Variants in CNTN5 observed in about 807,000 individuals in gnomAD.
CNTN5 encodes the protein contactin 5.
A neutral mutation model predicts 129.1 loss-of-function variants in CNTN5; 77 were observed. That is an observed-to-expected ratio of 0.60 (90% CI 0.50 to 0.72). The LOEUF is 0.72. CNTN5 is among the 30% of genes least tolerant of loss of function. The pLI is 0.00. For missense variants in CNTN5, 1,478 were observed against 1,328.8 expected, an observed-to-expected ratio of 1.11 and a Z score of -1.75; for synonymous variants, 509 against 465.6, an observed-to-expected ratio of 1.09 and a Z score of -1.20.
intron 3 of CNTN5, among the ~76,000 whole-genome samples, chr11:99,728,918 T>A (rs1205615883): frequency 6.6e-6 from 1 of 152,196 alleles, no homozygotes; most frequent in Non-Finnish European, 1.5e-5. Context: ...CATCCAGGTA[T>A]GTTGTACACC....
chr11:99,022,645 T>A (rs1862926683), intron 1 of CNTN5, among the ~76,000 whole-genome samples: 1 of 151,822 alleles, frequency 6.6e-6, no homozygotes, highest in Non-Finnish European at 1.5e-5. Flanking sequence ...AAATTAAAGA[T>A]ATTACATAAA....
At chr11:99,901,297 T>TG (rs1303890066) in intron 6 of CNTN5, among the ~76,000 whole-genome samples, 1 of 151,414 alleles carries the variant, frequency 6.6e-6, no homozygotes, top group East Asian at 1.9e-4. Context: ...CATTTTCTAT[T>TG]TTTTTTTTCT....
chr11:99,782,583 C>A (rs1049769544), intron 3 of CNTN5, among the ~76,000 whole-genome samples: 1 of 151,788 alleles, frequency 6.6e-6, no homozygotes, highest in Admixed American at 6.6e-5. Flanking sequence ...AACTATACTG[C>A]AAGGCTACAG....
intron 1 of CNTN5, among the ~76,000 whole-genome samples, chr11:99,144,680 T>C (rs994997116): frequency 1.3e-5 from 2 of 152,200 alleles, no homozygotes; most frequent in Non-Finnish European, 2.9e-5. Flanking sequence ...TCAGAAATTG[T>C]TTCTTCTGAT....
intron 3 of CNTN5, among the ~76,000 whole-genome samples, chr11:99,796,313 C>T (rs906560079): frequency 1.5e-4 from 23 of 151,920 alleles, no homozygotes; most frequent in African/African-American, 5.1e-4. Flanking sequence ...GCACTCATAG[C>T]GTGGTGGAGT....
chr11:99,331,289 G>C (rs1379811873), intron 2 of CNTN5, among the ~76,000 whole-genome samples: 1 of 152,044 alleles, frequency 6.6e-6, no homozygotes, highest in Admixed American at 6.6e-5. Flanking sequence ...AATGGACTAT[G>C]CTATAAATTG....
chr11:99,861,667 T>C (rs1471777030), intron 6 of CNTN5, among the ~76,000 whole-genome samples: 1 of 152,172 alleles, frequency 6.6e-6, no homozygotes, highest in Non-Finnish European at 1.5e-5. Context: ...CATACATGAT[T>C]AAGGGGAACA....
chr11:99,507,420 A>G (rs568943499), intron 2 of CNTN5, among the ~76,000 whole-genome samples: 18 of 151,220 alleles, frequency 1.2e-4, no homozygotes, highest in African/African-American at 3.6e-4. Flanking sequence ...AACAATAGTC[A>G]TCCCATTAAA....
At chr11:99,624,492 C>T (rs1951060599) in intron 3 of CNTN5, among the ~76,000 whole-genome samples, 2 of 151,988 alleles carry the variant, frequency 1.3e-5, no homozygotes, top group African/African-American at 2.4e-5. Context: ...GTTAATCCTC[C>T]TTATCAGATG....
intron 1 of CNTN5, among the ~76,000 whole-genome samples, chr11:99,288,551 G>A (rs1286767789): frequency 6.6e-6 from 1 of 151,776 alleles, no homozygotes. Context: ...TACATAATTT[G>A]CTTCAGTGTC....
rs11222414 is a variant in CNTN5 at position 100,023,995 on chromosome 11, A to G, written c.980+21859A>G. On this transcript the variant is annotated intron_variant, in intron 9 of 24. Transcript: ENST00000524871. Reference sequence around the variant, plus strand: ...TCCATGTGCATGGTTTTGTGTCGATATAAGTTTTCAACTCCTTTTGTTATA... The same window carrying G: ...TCCATGTGCATGGTTTTGTGTCGATGTAAGTTTTCAACTCCTTTTGTTATA... Among the ~76,000 whole-genome samples, 532 of 152,308 alleles carry G rather than the reference A, an allele frequency of 3.5e-3. 3 individuals are homozygous for G. Among genetic ancestry groups the G allele is most frequent in the Middle Eastern group, 6.8e-3 (2 of 294 alleles).
chr11:100,078,747 T>A (rs111494822), intron 13 of CNTN5, among the ~76,000 whole-genome samples: 4 of 152,190 alleles, frequency 2.6e-5, no homozygotes, highest in African/African-American at 9.6e-5. Context: ...GTGTATGACA[T>A]CTACTCAGTA....
At chr11:99,087,396 CAT>C (rs1866047065) in intron 1 of CNTN5, among the ~76,000 whole-genome samples, 1 of 152,060 alleles carries the variant, frequency 6.6e-6, no homozygotes, top group African/African-American at 2.4e-5. Context: ...TTTATTTACT[CAT>C]AAAATAAAAA....
chr11:99,402,949 T>A (rs1941887038), intron 2 of CNTN5, among the ~76,000 whole-genome samples: 1 of 152,136 alleles, frequency 6.6e-6, no homozygotes, highest in Non-Finnish European at 1.5e-5. Flanking sequence ...TTTATTCTAA[T>A]CTTTCCTTTT....
At chr11:99,578,003 G>A (rs1382638977) in intron 3 of CNTN5, among the ~76,000 whole-genome samples, 20 of 114,202 alleles carry the variant, frequency 1.8e-4, no homozygotes, top group East Asian at 2.5e-4. Context: ...AACAGTCCCT[G>A]GTGTGTGATG....
Position 99,721,408 on chromosome 11 carries a change from G to T in CNTN5, c.56-98136G>T, listed in dbSNP as rs576811556. Among the ~76,000 whole-genome samples, 29 of 152,230 alleles carry T rather than the reference G, an allele frequency of 1.9e-4. No homozygotes were observed. The South Asian group carries it at 5.8e-3, about 30-fold the overall frequency. Reference sequence around the variant, plus strand: ...AAAGACCCCCTATTGAATAAATGGTGCTTGGATGACTGGCTAGCCATATGC... The same window carrying T: ...AAAGACCCCCTATTGAATAAATGGTTCTTGGATGACTGGCTAGCCATATGC... On this transcript the variant is annotated intron_variant, in intron 3 of 24. Coordinates refer to ENST00000524871, the MANE Select transcript of CNTN5 (RefSeq NM_014361.4).
At chr11:100,054,035 C>T (rs7943250) in intron 9 of CNTN5, among the ~76,000 whole-genome samples, 1 of 151,278 alleles carries the variant, frequency 6.6e-6, no homozygotes, top group Non-Finnish European at 1.5e-5. Context: ...TGGACATCAG[C>T]TCATTGATTG....
chr11:100,151,784 T>C (rs1591321166), intron 13 of CNTN5, among the ~76,000 whole-genome samples: 1 of 152,208 alleles, frequency 6.6e-6, no homozygotes, highest in South Asian at 2.1e-4. Context: ...CTGCTACTTA[T>C]ACTTTTTTTG....
intron 13 of CNTN5, among the ~76,000 whole-genome samples, chr11:100,189,646 T>C (rs961973033): frequency 6.6e-6 from 1 of 152,142 alleles, no homozygotes; most frequent in Non-Finnish European, 1.5e-5. Flanking sequence ...CATTGTTTTG[T>C]AGCATAGGTA....
Sources: gnomAD v4.1 joint callset for allele counts (sites outside exome capture counted in the v4.1 genomes callset) on GRCh38, gnomAD v4.1.1 for gene constraint, MANE v1.5 for transcripts, NCBI Gene and HGNC (gene_info 2026-07-23, HGNC 2026-07-21) for gene names.